The following TMPRSS3 variants were observed in gnomAD, a reference collection of about 807,000 sequenced individuals.
TMPRSS3 encodes transmembrane protease serine 3.
A neutral mutation model predicts 59.6 loss-of-function variants in TMPRSS3; 55 were observed. The observed-to-expected ratio is 0.92, with a 90% CI of 0.74 to 1.16. The LOEUF (loss-of-function observed/expected upper bound fraction) is 1.16. TMPRSS3 is among the 50% of genes most tolerant of loss of function. The pLI is 0.00. For synonymous variants in TMPRSS3, 257 were observed against 237.7 expected (o/e 1.08, Z -0.75); for missense variants, 596 against 579.4 (o/e 1.03, Z -0.29).
At chr21:42,383,232 C>T (rs1338441852) in intron 7 of TMPRSS3, 34 bp from the exon 8 acceptor site, 1 of 1,612,016 alleles carries the variant, frequency 6.2e-7, no homozygotes, top group East Asian at 2.2e-5. Flanking sequence ...TGGGTCCACC[C>T]TGCAGACTTC....
At position 42,388,909 on chromosome 21, in the gene TMPRSS3, G is replaced by A. The variant is rs1018777115; in HGVS notation, c.322+20C>T. 1.9e-6 allele frequency: 3 copies of A among 1,605,296 alleles called. No individual in the cohort carries two copies. The highest frequency in any genetic ancestry group is 2.2e-5 in the South Asian group (2 of 90,890). ...CTGCTGCTTCCTTCTGTTTCCCCAG[G>A]GGAAGAGCCATGACCTTACCACAGC... On this transcript the variant is annotated intron_variant, in intron 4 of 12. Transcript: ENST00000644384. The surrounding 1 kb of genome is among the most constrained non-coding windows in gnomAD (Gnocchi z 5.1).
chr21:42,384,881 C>G (rs1479670170), intron 6 of TMPRSS3, among the ~76,000 whole-genome samples: 1 of 152,146 alleles, frequency 6.6e-6, no homozygotes, highest in Non-Finnish European at 1.5e-5. Flanking sequence ...TTTCAGTTAC[C>G]TGGTGGTTAT....
At chr21:42,382,901 C>T (rs751329695) in intron 8 of TMPRSS3, 132 bp downstream of exon 8, 15 of 1,138,934 alleles carry the variant, frequency 1.3e-5, no homozygotes, top group Non-Finnish European at 1.9e-5. Flanking sequence ...AGACTCCTCT[C>T]CAACTGTACA....
At chr21:42,385,662 CA>C (rs1253027234) in intron 5 of TMPRSS3, 128 bp from the exon 6 acceptor site, 28 of 1,219,566 alleles carry the variant, frequency 2.3e-5, no homozygotes, top group Non-Finnish European at 3.2e-5. Context: ...CCAAACCCAT[CA>C]AAGGCTTCCT....
Position 42,372,645 on chromosome 21 carries a change from G to A in TMPRSS3, c.*117C>T. 1 of 1,050,722 alleles carries A rather than the reference G, an allele frequency of 9.5e-7. No individual in the cohort carries two copies. Among genetic ancestry groups the A allele is most frequent in the Non-Finnish European group, 1.5e-6 (1 of 666,026 alleles). The allele number at this position is 1,050,722 out of a possible 1,614,324, so 65.1% of individuals were successfully genotyped here. A position where few individuals can be genotyped will look rare whatever the true frequency, so the allele number is the denominator to read the frequency against. On this transcript the variant is annotated 3_prime_UTR_variant, in exon 13 of 13. Coordinates refer to ENST00000644384, the MANE Select transcript of TMPRSS3 (RefSeq NM_001256317.3). ...TCTTTCGGGCCTGCTACTGGTGCCG[G>A]AACTCAGAGCTCCAAGGGTGTCTGC...
intron 8 of TMPRSS3, chr21:42,382,792 T>C (rs1198423226): frequency 3.4e-6 from 2 of 588,960 alleles, no homozygotes; most frequent in Non-Finnish European, 6.1e-6. Context: ...GCTTCCTTCC[T>C]CTTCTGTCTG....
intron 6 of TMPRSS3, among the ~76,000 whole-genome samples, 194 bp from the exon 7 acceptor site, chr21:42,384,207 C>T (rs550973862): frequency 2.5e-4 from 38 of 151,052 alleles, no homozygotes; most frequent in African/African-American, 8.5e-4. Context: ...TTGTAAAACA[C>T]TCAACTAACA....
intron 2 of TMPRSS3, among the ~76,000 whole-genome samples, chr21:42,391,527 T>G (rs1347169411): frequency 6.6e-6 from 1 of 152,248 alleles, no homozygotes; most frequent in Non-Finnish European, 1.5e-5. Context: ...ATATAATGCC[T>G]TCCTCCAGAG....
chr21:42,395,793 G>A (rs2052798732), intron 1 of TMPRSS3, 149 bp downstream of exon 1: 3 of 402,184 alleles, frequency 7.5e-6, no homozygotes, highest in Admixed American at 2.8e-5. Context: ...TTTAGAAGTT[G>A]CCATATTGCT....
Position 42,395,364 on chromosome 21 carries a change from A to G in TMPRSS3, c.54T>C (p.Leu18=). Residue 18 remains leucine (L), a synonymous_variant, in exon 2 of 13, where the codon CTT becomes CTC. Transcript: ENST00000644384. ...TTATTTTCAAATCATCAAGGCCAAA[A>G]AGCGATCGGAATGAGAAGGGGGCTT... is the stretch of plus-strand genomic sequence containing the variant. ...AVEAPFSFRS[L]FGLDDLKISP... 1.2e-6 allele frequency: 2 copies of G among 1,614,156 alleles called. No homozygotes were observed. The highest frequency in any genetic ancestry group is 1.7e-6 in the Non-Finnish European group (2 of 1,180,032).
chr21:42,388,042 G>C lies in TMPRSS3; in HGVS notation c.446+361C>G, dbSNP rs1232358555. Reference sequence around the variant, plus strand: ...TGATGTGACCGCCAGGACCAAGCAGGAAAGTGTCCAGGAAGCTACTCTAGG... The same window carrying C: ...TGATGTGACCGCCAGGACCAAGCAGCAAAGTGTCCAGGAAGCTACTCTAGG... On this transcript the variant is annotated intron_variant, in intron 5 of 12. Coordinates refer to ENST00000644384, the MANE Select transcript of TMPRSS3 (RefSeq NM_001256317.3). The surrounding 1 kb of genome is among the most constrained non-coding windows in gnomAD (Gnocchi z 5.1). Among the ~76,000 whole-genome samples, 1 of 152,238 alleles carries C rather than the reference G, an allele frequency of 6.6e-6. No homozygotes were observed. The highest frequency in any genetic ancestry group is 2.4e-5 in the African/African-American group (1 of 41,464).
Position 42,386,429 on chromosome 21 carries a change from G to A in TMPRSS3, c.447-895C>T, listed in dbSNP as rs114805163. ...GATTGCTCAATGCACGGATTCCGCT[G>A]GCACTGGCATGAAAGAGCCGATGGT... On this transcript the variant is annotated intron_variant, in intron 5 of 12. Transcript: ENST00000644384. Among the ~76,000 whole-genome samples the A allele has an allele frequency of 6.3e-3, 961 of 152,300 alleles. 7 individuals are homozygous for A. The highest frequency in any genetic ancestry group is 0.021 in the African/African-American group (875 of 41,544).
intron 12 of TMPRSS3, among the ~76,000 whole-genome samples, chr21:42,375,179 T>A (rs1211618781): frequency 6.6e-6 from 1 of 151,282 alleles, no homozygotes; most frequent in East Asian, 1.9e-4. Flanking sequence ...CGCTGTTGGG[T>A]GCCCCCCTGC....
In TMPRSS3 at chr21:42,372,307, C is replaced by T. The variant is rs773503618; in HGVS notation, c.*455G>A. 4 of 455,036 alleles carry T rather than the reference C, an allele frequency of 8.8e-6. No homozygotes were observed. The highest frequency in any genetic ancestry group is 1.6e-5 in the South Asian group (1 of 64,458). 28.2% of individuals were successfully genotyped at this position (455,036 alleles called of 1,614,324 possible). A position where few individuals can be genotyped will look rare whatever the true frequency, so the allele number is the denominator to read the frequency against. ...AGGCGTGGTGGCCCATGCCTGTAATCCCAGCACTGTGGGAGGCTGAAGCAG... is the reference window on the plus strand; with the variant it reads ...AGGCGTGGTGGCCCATGCCTGTAATTCCAGCACTGTGGGAGGCTGAAGCAG... On this transcript the variant is annotated 3_prime_UTR_variant, in exon 13 of 13. Transcript: ENST00000644384.
At chr21:42,380,746 T>C (rs1413339104) in intron 9 of TMPRSS3, among the ~76,000 whole-genome samples, 2 of 152,244 alleles carry the variant, frequency 1.3e-5, no homozygotes, top group Admixed American at 6.5e-5. Flanking sequence ...CGAGTTTGCC[T>C]GTGTGTAGGG....
chr21:42,385,340 T>C (rs1161636394), intron 6 of TMPRSS3, 69 bp downstream of exon 6: 3 of 1,605,414 alleles, frequency 1.9e-6, no homozygotes, highest in African/African-American at 1.3e-5. Context: ...TGTGGAGTTG[T>C]GCATAGCATC....
Position 42,388,538 on chromosome 21 carries a change from G to T in TMPRSS3, c.323-12C>A, listed in dbSNP as rs1225926271. 6.2e-7 allele frequency: 1 copy of T among 1,614,164 alleles called. No homozygotes were observed. The highest frequency in any genetic ancestry group is 1.1e-5 in the South Asian group (1 of 91,078). ...ACCACCCACCCGGACTGGCCGATGT[G>T]CAGAAAGAAAGGCTTATTAGTGGCC... On this transcript the variant is annotated splice_polypyrimidine_tract_variant and intron_variant, in intron 4 of 12. Coordinates refer to ENST00000644384, the MANE Select transcript of TMPRSS3 (RefSeq NM_001256317.3). The surrounding 1 kb of genome is among the most constrained non-coding windows in gnomAD (Gnocchi z 5.1).
intron 2 of TMPRSS3, among the ~76,000 whole-genome samples, chr21:42,391,271 C>T (rs77150810): frequency 6.6e-6 from 1 of 152,184 alleles, no homozygotes; most frequent in Admixed American, 6.5e-5. Context: ...ATGTCAAACT[C>T]CTGGGCTCAA....
rs1383632608 is a variant in TMPRSS3, at chr21:42,395,959, A to G, written c.-69T>C. ...GTACTCACATAATTCCCGAGTCCCAAAAATGTAGATGGCACCACGGAAGAG... is the reference window on the plus strand; with the variant it reads ...GTACTCACATAATTCCCGAGTCCCAGAAATGTAGATGGCACCACGGAAGAG... On this transcript the variant is annotated 5_prime_UTR_variant, in exon 1 of 13. Transcript: ENST00000644384. 6 of 518,932 alleles carry G rather than the reference A, an allele frequency of 1.2e-5. No individual in the cohort carries two copies. The highest frequency in any genetic ancestry group is 1.9e-5 in the Admixed American group (1 of 51,592). 32.1% of individuals were successfully genotyped at this position (518,932 alleles called of 1,614,324 possible). A position where few individuals can be genotyped will look rare whatever the true frequency, so the allele number is the denominator to read the frequency against.
Sources: allele counts gnomAD v4.1 joint callset (sites outside exome capture counted in the v4.1 genomes callset), GRCh38; gene constraint gnomAD v4.1.1; non-coding constraint Gnocchi (gnomAD v3.1); transcripts MANE v1.5; gene names NCBI Gene and HGNC (gene_info 2026-07-23, HGNC 2026-07-21).